TNFAIP8L1: variants seen among roughly 807,000 people sequenced by gnomAD.
TNFAIP8L1 encodes the protein tumor necrosis factor alpha-induced protein 8-like protein 1.
For missense variants in TNFAIP8L1, 225 were observed against 266.1 expected (o/e 0.85, Z 1.08); for synonymous variants, 127 against 125.6 (o/e 1.01, Z -0.08).
rs1486724180 is a variant in TNFAIP8L1, at chr19:4,655,535, G to T, written c.*3105G>T. The T allele has an allele frequency of 6.6e-6, 1 of 152,148 alleles. No individual in the cohort carries two copies. The highest frequency in any genetic ancestry group is 1.5e-5 in the Non-Finnish European group (1 of 68,040). 9.4% of individuals were successfully genotyped at this position (152,148 alleles called of 1,614,324 possible). On this transcript the variant is annotated 3_prime_UTR_variant, in exon 2 of 2. Transcript: ENST00000327473. The stretch of plus-strand genomic sequence containing the variant: ...AGGAAACAAACCAAATAGGACTGCG[G>T]AACAATTTAAATAAAAGCACACACC...
rs541324614 is a variant in TNFAIP8L1, at chr19:4,655,432, A to C, written c.*3002A>C. 6.6e-6 allele frequency: 1 copy of C among 152,356 alleles called. No individual in the cohort carries two copies. Among genetic ancestry groups the C allele is most frequent in the South Asian group, 2.1e-4 (1 of 4,832 alleles). The allele number at this position is 152,356 out of a possible 1,614,324, so 9.4% of individuals were successfully genotyped here. On this transcript the variant is annotated 3_prime_UTR_variant, in exon 2 of 2. Coordinates refer to ENST00000327473, the MANE Select transcript of TNFAIP8L1 (RefSeq NM_152362.3). ...CGATGGAACCCTGTGCTGTTGAGAC[A>C]TCAGTGTGTAAAACTCTCTGTGTCC...
chr19:4,651,723 C>T (rs1599829682), intron 1 of TNFAIP8L1, 144 bp from the exon 2 acceptor site: 2 of 902,208 alleles, frequency 2.2e-6, no homozygotes, highest in East Asian at 5.6e-5. Flanking sequence ...GCTGGGATTA[C>T]AGGCGTGAGC....
Position 4,652,063 on chromosome 19 carries a change from A to G in TNFAIP8L1, c.194A>G (p.Lys65Arg). ...CAGAAGATGCTCAAGAACCTGGTCA[A>G]GGTGGCCCTGAAGCTGGGACTGCTG... ...EAQKMLKNLVKVALKLGLLLR... is the reference protein window; with the variant it reads ...EAQKMLKNLVRVALKLGLLLR... Residue 65 changes from lysine (K) to arginine (R), a missense_variant, in exon 2 of 2, where the codon AAG (lysine) becomes AGG (arginine). Lys to Arg is a conservative substitution (Grantham distance 26). Transcript: ENST00000327473. 6.2e-7 allele frequency: 1 copy of G among 1,611,846 alleles called. No individual in the cohort carries two copies. The highest frequency in any genetic ancestry group is 8.5e-7 in the Non-Finnish European group (1 of 1,178,996).
rs2088369432 is a variant in TNFAIP8L1 at position 4,651,973 on chromosome 19, G to T, written c.104G>T (p.Ser35Ile). 6.2e-7 allele frequency: 1 copy of T among 1,614,018 alleles called. No homozygotes were observed. Among genetic ancestry groups the T allele is most frequent in the African/African-American group, 1.3e-5 (1 of 74,958 alleles). ...AVVAVLVDDTSSEVLDELYRA... is the reference protein window; with the variant it reads ...AVVAVLVDDTISEVLDELYRA... The stretch of plus-strand genomic sequence containing the variant: ...GTGGCCGTGCTGGTGGATGACACCA[G>T]CAGTGAGGTGCTGGATGAGCTGTAC... The change falls in exon 2 of 2, where the codon AGC becomes ATC. Residue 35 changes from serine (S) to isoleucine (I), a missense_variant. Ser to Ile is a moderately radical substitution (Grantham distance 142, BLOSUM62 -2). Coordinates refer to ENST00000327473, the MANE Select transcript of TNFAIP8L1 (RefSeq NM_152362.3).
rs1339373674 is a variant in TNFAIP8L1, at chr19:4,644,611, T to TTC, written c.-4+4983_-4+4984insCT. Among the ~76,000 whole-genome samples, 7 of 143,768 alleles carry TTC rather than the reference T, an allele frequency of 4.9e-5. No homozygotes were observed. The East Asian group carries it at 1.4e-3, about 29-fold the overall frequency. 94.3% of individuals were successfully genotyped at this position (143,768 alleles called of 152,430 possible). On this transcript the variant is annotated intron_variant, in intron 1 of 1. Coordinates refer to ENST00000327473, the MANE Select transcript of TNFAIP8L1 (RefSeq NM_152362.3). ...TGCAAGTCCTGAGTCATGGATTTTT[T>TTC]TTTTTTTTTTTTTTTTTTTGAGATA...
chr19:4,650,291 G>T (rs975342848), intron 1 of TNFAIP8L1, among the ~76,000 whole-genome samples: 5 of 151,904 alleles, frequency 3.3e-5, no homozygotes, highest in African/African-American at 1.2e-4. Context: ...CAGGGAAGAG[G>T]CAGGGGCTTG....
chr19:4,648,924 CTTTTTTTTTTTTTT>C (rs10526236), intron 1 of TNFAIP8L1, among the ~76,000 whole-genome samples: 1 of 132,472 alleles, frequency 7.5e-6, no homozygotes, highest in African/African-American at 3.0e-5. Context: ...TGCAAACATC[CTTTTTTTTTTTTTT>C]TTTTTTTTGA....
chr19:4,647,609 CTTTTTTTTTTTT>C (rs57985958), intron 1 of TNFAIP8L1, among the ~76,000 whole-genome samples: 4 of 80,562 alleles, frequency 5.0e-5, no homozygotes, highest in South Asian at 4.9e-4. Context: ...GTGCACCTGG[CTTTTTTTTTTTT>C]TTTTTTTTTT....
chr19:4,650,176 G>A (rs2088348868), intron 1 of TNFAIP8L1, among the ~76,000 whole-genome samples: 1 of 152,198 alleles, frequency 6.6e-6, no homozygotes, highest in South Asian at 2.1e-4. Flanking sequence ...AGACCAGTTG[G>A]GGTGCAGAGC....
chr19:4,640,971 G>A (rs9917028), intron 1 of TNFAIP8L1: 67,639 of 151,560 alleles, frequency 0.45, 16,408 homozygotes, highest in African/African-American at 0.64. Flanking sequence ...ACTGGCCAGA[G>A]GCTGGAGCAG....
In TNFAIP8L1 at chr19:4,653,087, C is replaced by G. The variant is rs1218667217; in HGVS notation, c.*657C>G. On this transcript the variant is annotated 3_prime_UTR_variant, in exon 2 of 2. Coordinates refer to ENST00000327473, the MANE Select transcript of TNFAIP8L1 (RefSeq NM_152362.3). ...TTGAGAGGCTGAGGCGGGCGGATCA[C>G]GAGGTCAGGAGATCGAGACCATCCT... 1 of 166,616 alleles carries G rather than the reference C, an allele frequency of 6.0e-6. No homozygotes were observed. The highest frequency in any genetic ancestry group is 2.1e-4 in the South Asian group (1 of 4,834). The allele number at this position is 166,616 out of a possible 1,614,324, so 10.3% of individuals were successfully genotyped here. A position where few individuals can be genotyped will look rare whatever the true frequency, so the allele number is the denominator to read the frequency against.
chr19:4,652,720 A>C lies in TNFAIP8L1; in HGVS notation c.*290A>C. 1 of 393,876 alleles carries C rather than the reference A, an allele frequency of 2.5e-6. No individual in the cohort carries two copies. The highest frequency in any genetic ancestry group is 4.7e-6 in the Non-Finnish European group (1 of 213,628). 24.4% of individuals were successfully genotyped at this position (393,876 alleles called of 1,614,324 possible). A position where few individuals can be genotyped will look rare whatever the true frequency, so the allele number is the denominator to read the frequency against. ...CGTTTGTACTTTCTGGGCCACGCCG[A>C]CCCCTGGGTCGCTTGATGTAAAAGC... On this transcript the variant is annotated 3_prime_UTR_variant, in exon 2 of 2. Coordinates refer to ENST00000327473, the MANE Select transcript of TNFAIP8L1 (RefSeq NM_152362.3).
intron 1 of TNFAIP8L1, among the ~76,000 whole-genome samples, chr19:4,644,728 C>T (rs935163260): frequency 7.9e-5 from 12 of 151,356 alleles, no homozygotes; most frequent in African/African-American, 2.4e-4. Context: ...CGCAGCCTCC[C>T]GAGTAGCTGG....
At chr19:4,649,017 C>T (rs941084473) in intron 1 of TNFAIP8L1, among the ~76,000 whole-genome samples, 1 of 150,892 alleles carries the variant, frequency 6.6e-6, no homozygotes, top group Non-Finnish European at 1.5e-5. Flanking sequence ...GCAACCTACG[C>T]CTCCTGGGTT....
Position 4,647,819 on chromosome 19 carries a change from G to T in TNFAIP8L1, c.-3-4048G>T, listed in dbSNP as rs141366866. Among the ~76,000 whole-genome samples, 224 of 151,730 alleles carry T rather than the reference G, an allele frequency of 1.5e-3. 1 individual carries two copies. Among genetic ancestry groups the T allele is most frequent in the African/African-American group, 5.2e-3 (216 of 41,386 alleles). ...AAAAAATTTTTTTTTGTAGAGATGGGATCTCGCTATGTTGCCCAGGCTGGT... is the reference window on the plus strand; with the variant it reads ...AAAAAATTTTTTTTTGTAGAGATGGTATCTCGCTATGTTGCCCAGGCTGGT... On this transcript the variant is annotated intron_variant, in intron 1 of 1. Coordinates refer to ENST00000327473, the MANE Select transcript of TNFAIP8L1 (RefSeq NM_152362.3).
Position 4,654,859 on chromosome 19 carries a change from G to C in TNFAIP8L1, c.*2429G>C, listed in dbSNP as rs1340153660. ...GCAAAATGCTGCTGCAGGTCAGGAA[G>C]GTTATTTTGGGTGCCTGTGGGGGAG... is the stretch of plus-strand genomic sequence containing the variant. On this transcript the variant is annotated 3_prime_UTR_variant, in exon 2 of 2. Coordinates refer to ENST00000327473, the MANE Select transcript of TNFAIP8L1 (RefSeq NM_152362.3). 6.6e-6 allele frequency: 1 copy of C among 152,190 alleles called. No homozygotes were observed. The highest frequency in any genetic ancestry group is 1.5e-5 in the Non-Finnish European group (1 of 68,048). The allele number at this position is 152,190 out of a possible 1,614,324, so 9.4% of individuals were successfully genotyped here.
At position 4,652,905 on chromosome 19, in the gene TNFAIP8L1, A is replaced by T. The variant is rs768145508; in HGVS notation, c.*475A>T. The T allele has an allele frequency of 5.7e-6, 1 of 176,528 alleles. No individual in the cohort carries two copies. The highest frequency in any genetic ancestry group is 1.3e-5 in the Non-Finnish European group (1 of 74,870). The allele number at this position is 176,528 out of a possible 1,614,324, so 10.9% of individuals were successfully genotyped here. A position where few individuals can be genotyped will look rare whatever the true frequency, so the allele number is the denominator to read the frequency against. The stretch of plus-strand genomic sequence containing the variant: ...CTCACGTCCTAACCCCCAGGACCTC[A>T]GAAGATGATCTGATTTGGAAATAGG... On this transcript the variant is annotated 3_prime_UTR_variant, in exon 2 of 2. Coordinates refer to ENST00000327473, the MANE Select transcript of TNFAIP8L1 (RefSeq NM_152362.3).
Position 4,652,359 on chromosome 19 carries a change from G to T in TNFAIP8L1, c.490G>T (p.Glu164Ter). 6.4e-7 allele frequency: 1 copy of T among 1,555,152 alleles called. No homozygotes were observed. The highest frequency in any genetic ancestry group is 8.7e-7 in the Non-Finnish European group (1 of 1,152,424). Residue 164 changes from glutamate (E) to a stop codon, truncating the protein, a stop_gained, in exon 2 of 2, where the codon GAG becomes TAG. Coordinates refer to ENST00000327473, the MANE Select transcript of TNFAIP8L1 (RefSeq NM_152362.3). LOFTEE classifies it low-confidence loss of function (END_TRUNC). ...CCTGGCTGCGCTCTACGGCCCCGCC[G>T]AGCCCTACCGCTCCCACCTGCGCAG... ...DFLAALYGPA[E>*]PYRSHLRRIC... is the part of the protein sequence containing the mutation.
rs2088401785 is a variant in TNFAIP8L1 at position 4,654,235 on chromosome 19, T to C, written c.*1805T>C. The C allele has an allele frequency of 6.6e-6, 1 of 152,236 alleles. No individual in the cohort carries two copies. The allele number at this position is 152,236 out of a possible 1,614,324, so 9.4% of individuals were successfully genotyped here. ...TCCGTGAAGCTGGAGACCTCTGCCCTGGGTCGGGAGGGGAAACTGCTCCAA... is the reference window on the plus strand; with the variant it reads ...TCCGTGAAGCTGGAGACCTCTGCCCCGGGTCGGGAGGGGAAACTGCTCCAA... On this transcript the variant is annotated 3_prime_UTR_variant, in exon 2 of 2. Coordinates refer to ENST00000327473, the MANE Select transcript of TNFAIP8L1 (RefSeq NM_152362.3).
Sources: allele counts gnomAD v4.1 joint callset (sites outside exome capture counted in the v4.1 genomes callset), GRCh38; gene constraint gnomAD v4.1.1; transcripts MANE v1.5; gene names NCBI Gene and HGNC (gene_info 2026-07-23, HGNC 2026-07-21).